The following KIAA1549L variants were observed in gnomAD, a reference collection of about 807,000 sequenced individuals.
The protein encoded by KIAA1549L is KIAA1549 like.
Under a neutral mutation model 160.7 loss-of-function variants are expected in KIAA1549L, and 88 were observed. The observed-to-expected ratio is 0.55, with a 90% CI of 0.46 to 0.65. The LOEUF is 0.65. KIAA1549L is among the 30% of genes least tolerant of loss of function. KIAA1549L has a pLI of 0.00. For missense variants in KIAA1549L, 2,258 were observed against 2,437.5 expected, an observed-to-expected ratio of 0.93 and a Z score of 1.55; for synonymous variants, 950 against 976.7, an observed-to-expected ratio of 0.97 and a Z score of 0.51.
At chr11:33,627,888 T>C (rs565439040) in intron 16 of KIAA1549L, among the ~76,000 whole-genome samples, 1 of 151,364 alleles carries the variant, frequency 6.6e-6, no homozygotes, top group African/African-American at 2.4e-5. Context: ...AGGGTGTCAA[T>C]TTTGGATCTT....
chr11:33,385,555 G>A (rs1002079083), intron 1 of KIAA1549L, among the ~76,000 whole-genome samples: 8 of 152,188 alleles, frequency 5.3e-5, no homozygotes, highest in Non-Finnish European at 1.0e-4. Flanking sequence ...CTTTAGTTCT[G>A]TAGTAAGTCT....
At chr11:33,667,037 T>C (rs1376751713) in intron 20 of KIAA1549L, among the ~76,000 whole-genome samples, 1 of 152,110 alleles carries the variant, frequency 6.6e-6, no homozygotes, top group Non-Finnish European at 1.5e-5. Context: ...CTTATATGAA[T>C]AAGGTAACTA....
intron 16 of KIAA1549L, among the ~76,000 whole-genome samples, chr11:33,636,454 C>G (rs1006237732): frequency 6.6e-6 from 1 of 151,580 alleles, no homozygotes; most frequent in Admixed American, 6.6e-5. Context: ...GTTCAGCCTC[C>G]CAAGTAGCTG....
At chr11:33,656,380 C>T (rs1852065932) in intron 18 of KIAA1549L, among the ~76,000 whole-genome samples, 2 of 152,126 alleles carry the variant, frequency 1.3e-5, no homozygotes, top group Non-Finnish European at 2.9e-5. Flanking sequence ...AGCCTCAGAC[C>T]GTGACCTTGA....
chr11:33,428,109 T>G (rs1851157941), intron 1 of KIAA1549L, among the ~76,000 whole-genome samples: 1 of 152,258 alleles, frequency 6.6e-6, no homozygotes, highest in Admixed American at 6.5e-5. Context: ...GACATATGTT[T>G]TCAGTTCTCT....
At chr11:33,480,628 G>C (rs758052685) in intron 1 of KIAA1549L, among the ~76,000 whole-genome samples, 4 of 152,220 alleles carry the variant, frequency 2.6e-5, no homozygotes, top group Non-Finnish European at 5.9e-5. Flanking sequence ...GGGGTTACCA[G>C]AAATTTTGGG....
intron 1 of KIAA1549L, among the ~76,000 whole-genome samples, chr11:33,512,018 C>T (rs1853238086): frequency 6.6e-6 from 1 of 152,182 alleles, no homozygotes; most frequent in South Asian, 2.1e-4. Context: ...TACTTCTGGT[C>T]TTTTTCTACA....
At chr11:33,553,573 G>C (rs1448112063) in intron 6 of KIAA1549L, among the ~76,000 whole-genome samples, 1 of 151,818 alleles carries the variant, frequency 6.6e-6, no homozygotes, top group African/African-American at 2.4e-5. Flanking sequence ...AAGTGTAGAT[G>C]GAAGTATCTC....
intron 9 of KIAA1549L, 89 bp from the exon 10 acceptor site, chr11:33,574,613 T>C: frequency 7.9e-7 from 1 of 1,262,916 alleles, no homozygotes; most frequent in East Asian, 2.4e-5. Context: ...TCTTCAGCAG[T>C]CAGGAGAGGA....
chr11:33,623,591 G>A (rs1018918373), intron 16 of KIAA1549L, among the ~76,000 whole-genome samples: 5 of 152,204 alleles, frequency 3.3e-5, no homozygotes, highest in African/African-American at 9.6e-5. Flanking sequence ...AGATTGAGGT[G>A]TTTGAGGGTG....
At chr11:33,511,636 TG>T (rs1853229502) in intron 1 of KIAA1549L, among the ~76,000 whole-genome samples, 1 of 152,148 alleles carries the variant, frequency 6.6e-6, no homozygotes, top group Non-Finnish European at 1.5e-5. Context: ...GTGCCTAGGA[TG>T]GATGACTATG....
chr11:33,438,024 C>T (rs1166454529), intron 1 of KIAA1549L, among the ~76,000 whole-genome samples: 1 of 152,232 alleles, frequency 6.6e-6, no homozygotes, highest in Admixed American at 6.5e-5. Flanking sequence ...TCCCCTGAGC[C>T]ATTCACATCC....
intron 1 of KIAA1549L, among the ~76,000 whole-genome samples, chr11:33,540,211 A>G (rs1853985228): frequency 6.6e-6 from 1 of 152,196 alleles, no homozygotes; most frequent in Non-Finnish European, 1.5e-5. Flanking sequence ...AAAGCTGCTC[A>G]GCCTGTAGCA....
intron 1 of KIAA1549L, among the ~76,000 whole-genome samples, chr11:33,398,274 T>TA (rs543914338): frequency 0.02 from 2,754 of 137,230 alleles, 79 homozygotes; most frequent in African/African-American, 0.062. Flanking sequence ...TTCAAAAATG[T>TA]AAAAAAAAAA....
intron 1 of KIAA1549L, among the ~76,000 whole-genome samples, chr11:33,439,745 T>G (rs1199285818): frequency 2.0e-5 from 3 of 152,092 alleles, no homozygotes; most frequent in Non-Finnish European, 4.4e-5. Context: ...TTTTGAGTTC[T>G]CTCTTCTAGC....
intron 13 of KIAA1549L, among the ~76,000 whole-genome samples, chr11:33,600,449 T>C (rs1850326819): frequency 6.6e-6 from 1 of 152,040 alleles, no homozygotes; most frequent in South Asian, 2.1e-4. Context: ...AGTGAAGCCA[T>C]ATGGGGAAGG....
intron 8 of KIAA1549L, among the ~76,000 whole-genome samples, chr11:33,567,649 A>G (rs1202475179): frequency 6.6e-6 from 1 of 152,262 alleles, no homozygotes; most frequent in African/African-American, 2.4e-5. Context: ...AGTGGAAACC[A>G]GCAAAAATAC....
intron 1 of KIAA1549L, among the ~76,000 whole-genome samples, chr11:33,441,825 T>G (rs1851513081): frequency 6.6e-6 from 1 of 152,222 alleles, no homozygotes; most frequent in Non-Finnish European, 1.5e-5. Flanking sequence ...TATTAGCCCT[T>G]TGTCAGATGA....
intron 1 of KIAA1549L, among the ~76,000 whole-genome samples, chr11:33,389,912 C>T (rs1850241289): frequency 6.6e-6 from 1 of 152,208 alleles, no homozygotes; most frequent in Non-Finnish European, 1.5e-5. Flanking sequence ...CACCTAGCTA[C>T]ACAACTAAAA....
Sources: gnomAD v4.1 joint callset for allele counts (sites outside exome capture counted in the v4.1 genomes callset) on GRCh38, gnomAD v4.1.1 for gene constraint, MANE v1.5 for transcripts, NCBI Gene and HGNC (gene_info 2026-07-23, HGNC 2026-07-21) for gene names.